Variants in DNAJC3 observed in about 807,000 individuals in gnomAD.
DNAJC3 encodes dnaJ homolog subfamily C member 3.
Under a neutral mutation model 68.6 loss-of-function variants are expected in DNAJC3, and 38 were observed. That is an observed-to-expected ratio of 0.55 (90% CI 0.43 to 0.73). The LOEUF (loss-of-function observed/expected upper bound fraction) is 0.73, where lower values mean the gene tolerates loss of function less well. DNAJC3 is among the 30% of genes least tolerant of loss of function. DNAJC3 has a pLI of 0.00. For missense variants in DNAJC3, 526 were observed against 591.9 expected, an observed-to-expected ratio of 0.89 and a Z score of 1.16; for synonymous variants, 203 against 204.0, an observed-to-expected ratio of 1.00 and a Z score of 0.04.
intron 1 of DNAJC3, among the ~76,000 whole-genome samples, chr13:95,681,058 T>C (rs1256424608): frequency 5.3e-5 from 8 of 152,230 alleles, no homozygotes; most frequent in Non-Finnish European, 7.3e-5. Flanking sequence ...ATAGAACTCA[T>C]GGCTTTTGCT....
At chr13:95,677,470 G>T (rs1041015438) in intron 1 of DNAJC3, 133 bp downstream of exon 1, 26 of 903,896 alleles carry the variant, frequency 2.9e-5, no homozygotes, top group African/African-American at 5.3e-5. Context: ...CCGCGGCCTG[G>T]CTTGGGCCTG....
At chr13:95,704,593 T>A (rs945351286) in intron 1 of DNAJC3, among the ~76,000 whole-genome samples, 1 of 152,194 alleles carries the variant, frequency 6.6e-6, no homozygotes, top group Non-Finnish European at 1.5e-5. Context: ...AGGTAATACA[T>A]TCTGTGAGTC....
chr13:95,754,655 G>A (rs1882596271), intron 4 of DNAJC3, among the ~76,000 whole-genome samples: 1 of 152,164 alleles, frequency 6.6e-6, no homozygotes, highest in Non-Finnish European at 1.5e-5. Context: ...AACATAGTGA[G>A]AACCTGTCTC....
intron 4 of DNAJC3, among the ~76,000 whole-genome samples, chr13:95,751,821 A>G (rs1026734926): frequency 1.3e-5 from 2 of 152,208 alleles, no homozygotes; most frequent in African/African-American, 4.8e-5. Context: ...AGGCCTCACA[A>G]TCATGGTGGA....
At chr13:95,772,166 G>A (rs956797855) in intron 9 of DNAJC3, among the ~76,000 whole-genome samples, 1 of 152,146 alleles carries the variant, frequency 6.6e-6, no homozygotes, top group African/African-American at 2.4e-5. Flanking sequence ...CAGGTGGTGG[G>A]CTGGTAGCAC....
In DNAJC3 at chr13:95,723,275, G is replaced by A. The variant is rs753673929; in HGVS notation, c.227G>A (p.Arg76Gln). The A allele has an allele frequency of 5.0e-5, 81 of 1,609,402 alleles. No individual in the cohort carries two copies. The highest frequency in any genetic ancestry group is 5.8e-5 in the Non-Finnish European group (68 of 1,176,770). Residue 76 changes from arginine (R) to glutamine (Q), a missense_variant, in exon 3 of 12, where the codon CGG (arginine) becomes CAG (glutamine). By Grantham distance (43) the Arg-to-Gln change is conservative. Coordinates refer to ENST00000602402, the MANE Select transcript of DNAJC3 (RefSeq NM_006260.5). ...CCTGATAACTATATTGCTTATTATC[G>A]GAGGGCTACTGTCTTTTTAGCTATG... ...GDPDNYIAYY[R>Q]RATVFLAMGK...
chr13:95,779,443 G>A (rs1283080006), intron 9 of DNAJC3, among the ~76,000 whole-genome samples: 1 of 152,068 alleles, frequency 6.6e-6, no homozygotes, highest in Non-Finnish European at 1.5e-5. Flanking sequence ...CAATTATATA[G>A]TTAAGAATAT....
chr13:95,709,559 G>A (rs1880881671), intron 2 of DNAJC3, among the ~76,000 whole-genome samples: 1 of 151,512 alleles, frequency 6.6e-6, no homozygotes, highest in Admixed American at 6.6e-5. Context: ...AGTGAGGCCT[G>A]CTACTACCAA....
In DNAJC3 at chr13:95,757,687, C is replaced by T; in HGVS notation, c.437C>T (p.Ser146Phe). 6.3e-7 allele frequency: 1 copy of T among 1,584,838 alleles called. No homozygotes were observed. The highest frequency in any genetic ancestry group is 1.1e-5 in the South Asian group (1 of 88,762). Reference sequence around the variant, plus strand: ...GAAAATGAAGAAAAGGAAGCACAGTCTCAACTTATAAAATCTGATGAAATG... The same window carrying T: ...GAAAATGAAGAAAAGGAAGCACAGTTTCAACTTATAAAATCTGATGAAATG... ...PSENEEKEAQSQLIKSDEMQR... is the reference protein window; with the variant it reads ...PSENEEKEAQFQLIKSDEMQR... Residue 146 changes from serine (S) to phenylalanine (F), a missense_variant, in exon 5 of 12, where the codon TCT (serine) becomes TTT (phenylalanine). Ser to Phe is a radical substitution (Grantham distance 155). Coordinates refer to ENST00000602402, the MANE Select transcript of DNAJC3 (RefSeq NM_006260.5).
intron 4 of DNAJC3, among the ~76,000 whole-genome samples, chr13:95,732,832 G>T (rs779923452): frequency 6.6e-6 from 1 of 151,234 alleles, no homozygotes; most frequent in Non-Finnish European, 1.5e-5. Context: ...CACTGCTTTG[G>T]CTGTATTCCA....
chr13:95,776,039 G>T (rs1489900112), intron 9 of DNAJC3, among the ~76,000 whole-genome samples: 1 of 150,736 alleles, frequency 6.6e-6, no homozygotes, highest in African/African-American at 2.4e-5. Context: ...ATATTCTTTA[G>T]CCCTATAACT....
chr13:95,764,896 A>T (rs1162522839), intron 9 of DNAJC3, among the ~76,000 whole-genome samples: 1 of 151,722 alleles, frequency 6.6e-6, no homozygotes. Flanking sequence ...CAGGTAAAGC[A>T]TTTTAAATCA....
chr13:95,700,740 C>G lies in DNAJC3; in HGVS notation c.83-8487C>G, dbSNP rs17879686. ...CTTTTTCTGTACTTGACCTCCATAT[C>G]TAGCCTGTTGATATAAGTCATGTGT... On this transcript the variant is annotated intron_variant, in intron 1 of 11. Transcript: ENST00000602402. 3.9e-5 allele frequency among the ~76,000 whole-genome samples: 6 copies of G among 152,278 alleles called. No homozygotes were observed. In the South Asian group the frequency reaches 1.0e-3, roughly 26 times the overall value.
chr13:95,713,835 C>T (rs1386628446), intron 2 of DNAJC3, among the ~76,000 whole-genome samples: 2 of 152,164 alleles, frequency 1.3e-5, no homozygotes, highest in Admixed American at 1.3e-4. Flanking sequence ...TAGTCTCTTG[C>T]CATTTAGAGT....
chr13:95,773,153 T>TG (rs1491232306), intron 9 of DNAJC3, among the ~76,000 whole-genome samples: 1 of 82,702 alleles, frequency 1.2e-5, no homozygotes, highest in African/African-American at 7.6e-5. Context: ...ACAAATTTAG[T>TG]TTTTTTTTTT....
chr13:95,741,078 T>G (rs911294165), intron 4 of DNAJC3, among the ~76,000 whole-genome samples: 2 of 152,216 alleles, frequency 1.3e-5, no homozygotes, highest in Non-Finnish European at 2.9e-5. Flanking sequence ...CATTGGAATC[T>G]GTTGCTGGAG....
intron 1 of DNAJC3, among the ~76,000 whole-genome samples, chr13:95,682,788 T>C (rs1879956497): frequency 6.6e-6 from 1 of 152,254 alleles, no homozygotes; most frequent in African/African-American, 2.4e-5. Context: ...AATTTGATTT[T>C]TCAGATGTGT....
At chr13:95,767,371 CTGAA>C (rs1324246862) in intron 9 of DNAJC3, among the ~76,000 whole-genome samples, 1 of 152,166 alleles carries the variant, frequency 6.6e-6, no homozygotes, top group Admixed American at 6.6e-5. Context: ...TCTTTTAAGG[CTGAA>C]TAGTATTCCA....
chr13:95,788,784 CT>C (rs1883676816), intron 11 of DNAJC3, among the ~76,000 whole-genome samples: 1 of 152,162 alleles, frequency 6.6e-6, no homozygotes, highest in Non-Finnish European at 1.5e-5. Context: ...GGAGAGTTCA[CT>C]ACTGTTCTAA....
Sources: gnomAD v4.1 joint callset for allele counts (sites outside exome capture counted in the v4.1 genomes callset) on GRCh38, gnomAD v4.1.1 for gene constraint, MANE v1.5 for transcripts, NCBI Gene and HGNC (gene_info 2026-07-23, HGNC 2026-07-21) for gene names.